Variants in SAMTOR observed in about 807,000 individuals in gnomAD.
The protein encoded by SAMTOR is S-adenosylmethionine sensor upstream of mTORC1.
At chr7:112,852,051 G>A in the SAMTOR span, among the ~76,000 whole-genome samples, 1 of 152,036 alleles carries the variant, frequency 6.6e-6, no homozygotes, top group Non-Finnish European at 1.5e-5. Context: ...CCACCTCTAT[G>A]GAAAATGGTG....
chr7:112,886,133 G>A, the SAMTOR span, among the ~76,000 whole-genome samples: 2 of 152,156 alleles, frequency 1.3e-5, no homozygotes, highest in South Asian at 2.1e-4. Flanking sequence ...CAACGGCATG[G>A]GGGTAACCAC....
chr7:112,873,308 A>G, the SAMTOR span, among the ~76,000 whole-genome samples: 1 of 152,194 alleles, frequency 6.6e-6, no homozygotes, highest in Admixed American at 6.5e-5. Context: ...ACATTACCCA[A>G]TTGCAAACTA....
the SAMTOR span, among the ~76,000 whole-genome samples, chr7:112,834,082 C>T: frequency 6.6e-6 from 1 of 152,120 alleles, no homozygotes; most frequent in Admixed American, 6.5e-5. Flanking sequence ...CTTTCATTTG[C>T]TGTTGTTTTT....
the SAMTOR span, among the ~76,000 whole-genome samples, chr7:112,914,222 T>C: frequency 6.6e-6 from 1 of 150,790 alleles, no homozygotes; most frequent in East Asian, 1.9e-4. Context: ...TTACTGTCCA[T>C]GAGAAAGACA....
chr7:112,917,853 G>T, the SAMTOR span, among the ~76,000 whole-genome samples: 7 of 152,074 alleles, frequency 4.6e-5, no homozygotes, highest in Admixed American at 4.6e-4. Context: ...TATCAGTGAT[G>T]GAAGATGAAA....
chr7:112,848,985 G>T, the SAMTOR span, among the ~76,000 whole-genome samples: 1 of 150,902 alleles, frequency 6.6e-6, no homozygotes, highest in Non-Finnish European at 1.5e-5. Flanking sequence ...GGAGGCAGAG[G>T]TTGCAGTGAT....
At chr7:112,918,066 G>A in the SAMTOR span, among the ~76,000 whole-genome samples, 1 of 152,140 alleles carries the variant, frequency 6.6e-6, no homozygotes, top group South Asian at 2.1e-4. Flanking sequence ...AGCAAGGCAG[G>A]CCAACGTTCA....
the SAMTOR span, among the ~76,000 whole-genome samples, chr7:112,864,515 G>T: frequency 6.6e-6 from 1 of 152,124 alleles, no homozygotes; most frequent in Admixed American, 6.5e-5. Flanking sequence ...AGATCTTTGG[G>T]GGGTAGGCTT....
the SAMTOR span, among the ~76,000 whole-genome samples, chr7:112,900,106 TTTA>T: frequency 6.7e-6 from 1 of 149,006 alleles, no homozygotes. Context: ...ATGGGATAAA[TTTA>T]TTATATCTGT....
chr7:112,933,719 C>T, the SAMTOR span, among the ~76,000 whole-genome samples: 3 of 152,098 alleles, frequency 2.0e-5, no homozygotes, highest in Admixed American at 1.3e-4. Flanking sequence ...CCAATGATCA[C>T]CTGAATTAGA....
chr7:112,822,994 A>T, the SAMTOR span, among the ~76,000 whole-genome samples: 2 of 152,172 alleles, frequency 1.3e-5, no homozygotes, highest in African/African-American at 2.4e-5. Context: ...CAGAGGAATG[A>T]ATAACATTAT....
chr7:112,929,229 T>TCATA, the SAMTOR span, among the ~76,000 whole-genome samples: 11,482 of 151,602 alleles, frequency 0.076, 942 homozygotes, highest in African/African-American at 0.2. Context: ...AAAAAAAACC[T>TCATA]CAAACTGAAT....
the SAMTOR span, among the ~76,000 whole-genome samples, chr7:112,907,041 C>T: frequency 6.6e-6 from 1 of 151,982 alleles, no homozygotes; most frequent in South Asian, 2.1e-4. Context: ...CAAGAAAACC[C>T]TGAAAAAGAA....
the SAMTOR span, among the ~76,000 whole-genome samples, chr7:112,871,982 T>C: frequency 6.6e-6 from 1 of 152,074 alleles, no homozygotes; most frequent in Non-Finnish European, 1.5e-5. Context: ...TGTTCCGAAA[T>C]TGAATCAGTA....
chr7:112,861,116 C>T, the SAMTOR span, among the ~76,000 whole-genome samples: 1 of 151,762 alleles, frequency 6.6e-6, no homozygotes. Context: ...TATGGGTGTA[C>T]AACACAGGTG....
chr7:112,933,821 A>G, the SAMTOR span, among the ~76,000 whole-genome samples: 1 of 152,186 alleles, frequency 6.6e-6, no homozygotes, highest in Non-Finnish European at 1.5e-5. Context: ...TCAGCATTTT[A>G]AAAAGTTCAC....
the SAMTOR span, among the ~76,000 whole-genome samples, chr7:112,843,176 T>C: frequency 6.6e-6 from 1 of 151,974 alleles, no homozygotes; most frequent in Non-Finnish European, 1.5e-5. Flanking sequence ...TTTTGGACCC[T>C]CAAACCCCTT....
At chr7:112,934,675 T>C in the SAMTOR span, among the ~76,000 whole-genome samples, 1 of 152,250 alleles carries the variant, frequency 6.6e-6, no homozygotes, top group Admixed American at 6.5e-5. Context: ...CACTGTGTAC[T>C]CTGGGAGCTT....
At chr7:112,880,965 T>TC in the SAMTOR span, among the ~76,000 whole-genome samples, 1 of 151,972 alleles carries the variant, frequency 6.6e-6, no homozygotes, top group Non-Finnish European at 1.5e-5. Context: ...ACCCTTCCTC[T>TC]CCCAAGTTGG....
Sources: allele counts gnomAD v4.1 joint callset (sites outside exome capture counted in the v4.1 genomes callset), GRCh38; gene constraint gnomAD v4.1.1; transcripts MANE v1.5; gene names NCBI Gene and HGNC (gene_info 2026-07-23, HGNC 2026-07-21).